Variants in KCTD8 observed in about 807,000 individuals in gnomAD.
The protein encoded by KCTD8 is BTB/POZ domain-containing protein KCTD8.
KCTD8 carries 27 observed loss-of-function variants against 31.5 expected under a neutral mutation model. The observed-to-expected ratio is 0.86, with a 90% CI of 0.63 to 1.18. KCTD8 has a LOEUF of 1.18. Ranked by LOEUF, KCTD8 falls within the 50% of genes most tolerant of loss-of-function variation. KCTD8 has a pLI of 0.00. For synonymous variants in KCTD8, 290 were observed against 280.0 expected (o/e 1.04, Z -0.36); for missense variants, 658 against 647.7 (o/e 1.02, Z -0.17).
At chr4:44,217,175 C>T (rs1003989545) in intron 1 of KCTD8, among the ~76,000 whole-genome samples, 2 of 152,088 alleles carry the variant, frequency 1.3e-5, no homozygotes, top group South Asian at 2.1e-4. Flanking sequence ...TATGTGATAG[C>T]CTTATGGACT....
intron 1 of KCTD8, among the ~76,000 whole-genome samples, chr4:44,418,152 G>A (rs1159072002): frequency 1.3e-5 from 2 of 152,114 alleles, no homozygotes; most frequent in African/African-American, 4.8e-5. Context: ...AAAATTGGGA[G>A]AGGCTTCACA....
intron 1 of KCTD8, among the ~76,000 whole-genome samples, chr4:44,420,215 C>G (rs1721178596): frequency 6.6e-6 from 1 of 151,590 alleles, no homozygotes; most frequent in Admixed American, 6.6e-5. Context: ...AATGAAGGAC[C>G]ATCACTCAAA....
At chr4:44,339,624 A>G (rs1326751718) in intron 1 of KCTD8, among the ~76,000 whole-genome samples, 1 of 152,164 alleles carries the variant, frequency 6.6e-6, no homozygotes, top group Non-Finnish European at 1.5e-5. Flanking sequence ...TCAGTAATTA[A>G]CACAACAAGG....
intron 1 of KCTD8, among the ~76,000 whole-genome samples, chr4:44,270,282 A>G (rs2109371705): frequency 6.6e-6 from 1 of 151,658 alleles, no homozygotes; most frequent in East Asian, 2.0e-4. Flanking sequence ...TCAGCAAACT[A>G]TCACAAGGAC....
chr4:44,244,834 T>G (rs1456478350), intron 1 of KCTD8, among the ~76,000 whole-genome samples: 1 of 113,474 alleles, frequency 8.8e-6, no homozygotes. Flanking sequence ...ATCAGTAATT[T>G]TCCCTGTAGT....
intron 1 of KCTD8, among the ~76,000 whole-genome samples, chr4:44,374,244 C>A (rs1160516031): frequency 6.6e-6 from 1 of 152,194 alleles, no homozygotes; most frequent in African/African-American, 2.4e-5. Context: ...AAAGGACAAT[C>A]AAGCTGCAGA....
chr4:44,314,708 AACTT>A (rs895013099), intron 1 of KCTD8, among the ~76,000 whole-genome samples: 4 of 152,078 alleles, frequency 2.6e-5, no homozygotes, highest in Non-Finnish European at 4.4e-5. Flanking sequence ...TATATTCTGC[AACTT>A]ACTTGTTTTA....
intron 1 of KCTD8, among the ~76,000 whole-genome samples, chr4:44,315,842 A>C (rs1304417214): frequency 6.6e-6 from 1 of 152,150 alleles, no homozygotes; most frequent in Non-Finnish European, 1.5e-5. Flanking sequence ...CAATCCTTTG[A>C]AATCAACATA....
chr4:44,197,455 G>A (rs748913044), intron 1 of KCTD8, among the ~76,000 whole-genome samples: 4 of 152,148 alleles, frequency 2.6e-5, no homozygotes, highest in Non-Finnish European at 4.4e-5. Context: ...CCCAACCACC[G>A]AGTATGTCTA....
At chr4:44,201,376 A>C (rs538209551) in intron 1 of KCTD8, among the ~76,000 whole-genome samples, 2 of 152,136 alleles carry the variant, frequency 1.3e-5, no homozygotes, top group South Asian at 4.1e-4. Flanking sequence ...AAGAACAAAG[A>C]TGGAGGTATC....
intron 1 of KCTD8, among the ~76,000 whole-genome samples, chr4:44,300,393 T>C (rs917283721): frequency 7.9e-5 from 12 of 152,180 alleles, no homozygotes; most frequent in African/African-American, 2.7e-4. Context: ...TGTATTGCCA[T>C]CTCTTTTCAA....
chr4:44,340,585 A>C (rs2109418337), intron 1 of KCTD8, among the ~76,000 whole-genome samples: 1 of 151,854 alleles, frequency 6.6e-6, no homozygotes, highest in African/African-American at 2.4e-5. Flanking sequence ...CTGGGATTAC[A>C]GGCGTGAGCC....
intron 1 of KCTD8, among the ~76,000 whole-genome samples, chr4:44,269,781 C>T (rs1374279420): frequency 2.0e-5 from 3 of 152,096 alleles, no homozygotes; most frequent in Admixed American, 6.5e-5. Context: ...CCAACAGACA[C>T]ATGAAAAAAT....
intron 1 of KCTD8, chr4:44,293,781 T>C (rs1401824713): frequency 6.7e-6 from 3 of 449,834 alleles, no homozygotes; most frequent in Non-Finnish European, 1.3e-5. Context: ...GAAAATTATT[T>C]TAGCATTTTG....
chr4:44,426,117 T>C (rs1721339460), intron 1 of KCTD8, among the ~76,000 whole-genome samples: 1 of 151,542 alleles, frequency 6.6e-6, no homozygotes. Flanking sequence ...GAATAATACA[T>C]GTCAAAATGT....
chr4:44,447,465 GC>G, intron 1 of KCTD8, 97 bp downstream of exon 1: 1 of 1,428,208 alleles, frequency 7.0e-7, no homozygotes, highest in Non-Finnish European at 9.1e-7. Context: ...ACCAGCGCCT[GC>G]CCCGGACACC....
At chr4:44,324,626 T>C (rs887090215) in intron 1 of KCTD8, among the ~76,000 whole-genome samples, 1 of 152,098 alleles carries the variant, frequency 6.6e-6, no homozygotes, top group Non-Finnish European at 1.5e-5. Flanking sequence ...TAAAATTTCC[T>C]TCAATGTTTA....
chr4:44,240,538 G>A (rs933809586), intron 1 of KCTD8, among the ~76,000 whole-genome samples: 29 of 152,168 alleles, frequency 1.9e-4, no homozygotes, highest in African/African-American at 7.0e-4. Context: ...GTCTCGATAT[G>A]TTGTTGCCCA....
chr4:44,194,019 C>A (rs1055211364), intron 1 of KCTD8, among the ~76,000 whole-genome samples: 1 of 152,074 alleles, frequency 6.6e-6, no homozygotes, highest in African/African-American at 2.4e-5. Flanking sequence ...GAGGATGAAT[C>A]CTAAGACTAT....
Sources: allele counts gnomAD v4.1 joint callset (sites outside exome capture counted in the v4.1 genomes callset), GRCh38; gene constraint gnomAD v4.1.1; transcripts MANE v1.5; gene names NCBI Gene and HGNC (gene_info 2026-07-23, HGNC 2026-07-21).